Variants in SLC16A7 observed in about 807,000 individuals in gnomAD.
The protein encoded by SLC16A7 is monocarboxylate transporter 2.
A neutral mutation model predicts 34.9 loss-of-function variants in SLC16A7; 33 were observed. The ratio of observed to expected loss-of-function variants is 0.94; its 90% CI spans 0.72 to 1.26. SLC16A7 has a LOEUF of 1.26. Ranked by LOEUF, SLC16A7 falls within the 50% of genes most tolerant of loss-of-function variation. SLC16A7 has a pLI of 0.00. For synonymous variants in SLC16A7, 201 were observed against 206.6 expected (o/e 0.97, Z 0.23); for missense variants, 573 against 578.1 (o/e 0.99, Z 0.09).
chr12:59,645,586 C>T (rs1317917760), intron 1 of SLC16A7, among the ~76,000 whole-genome samples: 1 of 152,126 alleles, frequency 6.6e-6, no homozygotes, highest in Non-Finnish European at 1.5e-5. Flanking sequence ...AATTAAGCCT[C>T]TTTCCTTTAT....
intron 1 of SLC16A7, among the ~76,000 whole-genome samples, chr12:59,637,455 T>A (rs1310902511): frequency 6.6e-6 from 1 of 152,080 alleles, no homozygotes. Context: ...TTCTGTTTTT[T>A]TTTTTCTCTT....
chr12:59,762,865 T>C (rs1160743446), intron 3 of SLC16A7, among the ~76,000 whole-genome samples: 4 of 151,858 alleles, frequency 2.6e-5, no homozygotes, highest in Non-Finnish European at 5.9e-5. Context: ...CATTTAAAAA[T>C]AAATGAATGA....
intron 3 of SLC16A7, among the ~76,000 whole-genome samples, chr12:59,712,556 G>A (rs759523794): frequency 6.6e-5 from 10 of 152,204 alleles, no homozygotes; most frequent in Middle Eastern, 3.2e-3. Context: ...GCACAGGCAT[G>A]TGACCCAGTC....
intron 1 of SLC16A7, among the ~76,000 whole-genome samples, chr12:59,616,578 A>T (rs1179765446): frequency 6.6e-6 from 1 of 152,168 alleles, no homozygotes; most frequent in Non-Finnish European, 1.5e-5. Flanking sequence ...GTTGTGCAAA[A>T]ATAGGCCCAT....
intron 3 of SLC16A7, chr12:59,720,093 C>T (rs992644704): frequency 7.1e-6 from 5 of 700,114 alleles, no homozygotes; most frequent in Non-Finnish European, 1.0e-5. Context: ...GTATCATATG[C>T]AATAGCTGTA....
chr12:59,626,205 A>G (rs1315000931), intron 1 of SLC16A7, among the ~76,000 whole-genome samples: 1 of 151,266 alleles, frequency 6.6e-6, no homozygotes, highest in Non-Finnish European at 1.5e-5. Context: ...ATTTTAAGGG[A>G]TAATTTTTTA....
At chr12:59,702,518 A>G (rs960037425) in intron 2 of SLC16A7, among the ~76,000 whole-genome samples, 1 of 152,068 alleles carries the variant, frequency 6.6e-6, no homozygotes, top group Non-Finnish European at 1.5e-5. Context: ...TCTGCACGAC[A>G]TTAACTTATA....
chr12:59,754,162 C>A (rs866539463), intron 3 of SLC16A7, among the ~76,000 whole-genome samples: 5 of 152,134 alleles, frequency 3.3e-5, no homozygotes, highest in African/African-American at 9.6e-5. Flanking sequence ...CAGGAAAGAT[C>A]AAAAATTGAC....
chr12:59,617,046 G>A (rs1879485738), intron 1 of SLC16A7, among the ~76,000 whole-genome samples: 3 of 152,020 alleles, frequency 2.0e-5, no homozygotes. Context: ...AATATTTTGA[G>A]TTAATATTGT....
intron 1 of SLC16A7, among the ~76,000 whole-genome samples, chr12:59,650,333 C>T (rs1868321099): frequency 6.6e-6 from 1 of 152,116 alleles, no homozygotes; most frequent in African/African-American, 2.4e-5. Context: ...TGTTTTTATA[C>T]ACCACATAGT....
At chr12:59,639,982 A>G (rs1333259246) in intron 1 of SLC16A7, among the ~76,000 whole-genome samples, 1 of 152,120 alleles carries the variant, frequency 6.6e-6, no homozygotes, top group African/African-American at 2.4e-5. Context: ...AGGTTCAATA[A>G]TTTGTTAGAA....
intron 2 of SLC16A7, among the ~76,000 whole-genome samples, chr12:59,673,382 A>G (rs1284675210): frequency 6.6e-6 from 1 of 152,114 alleles, no homozygotes; most frequent in Non-Finnish European, 1.5e-5. Context: ...GTGCCATAAC[A>G]TAGAATAAGT....
At chr12:59,700,441 A>T in intron 2 of SLC16A7, among the ~76,000 whole-genome samples, 1 of 150,130 alleles carries the variant, frequency 6.7e-6, no homozygotes, top group Middle Eastern at 3.5e-3. Context: ...ATATTATTAC[A>T]TGCATATAAT....
chr12:59,629,064 A>G (rs537393413), intron 1 of SLC16A7, among the ~76,000 whole-genome samples: 3 of 151,948 alleles, frequency 2.0e-5, no homozygotes, highest in Non-Finnish European at 4.4e-5. Context: ...TCTGACGTAG[A>G]GATGGCCATC....
intron 3 of SLC16A7, among the ~76,000 whole-genome samples, chr12:59,762,976 T>C (rs1881176982): frequency 6.6e-6 from 1 of 152,120 alleles, no homozygotes; most frequent in African/African-American, 2.4e-5. Context: ...GTTTAAGTAT[T>C]TTTAATTCAT....
Position 59,670,606 on chromosome 12 carries a change from G to A in SLC16A7, c.-31+15356G>A, listed in dbSNP as rs1869600352. Among the ~76,000 whole-genome samples, 4 of 152,256 alleles carry A rather than the reference G, an allele frequency of 2.6e-5. No individual in the cohort carries two copies. The South Asian group carries it at 8.3e-4, about 32-fold the overall frequency. On this transcript the variant is annotated intron_variant, in intron 2 of 5. Coordinates refer to ENST00000547379, the MANE Select transcript of SLC16A7 (RefSeq NM_001270623.2). Reference sequence around the variant, plus strand: ...TCCATCTGTGAATCTGTGAAACATAGAAAATAGGTCATCTATTCCCAAGAT... The same window carrying A: ...TCCATCTGTGAATCTGTGAAACATAAAAAATAGGTCATCTATTCCCAAGAT...
chr12:59,702,489 GATTTTAGCA>G (rs904636941), intron 2 of SLC16A7, among the ~76,000 whole-genome samples: 1 of 152,006 alleles, frequency 6.6e-6, no homozygotes, highest in Non-Finnish European at 1.5e-5. Flanking sequence ...ATTTGGGGTT[GATTTTAGCA>G]ATTTTAGCAT....
chr12:59,653,310 G>A (rs1868381144), intron 1 of SLC16A7, among the ~76,000 whole-genome samples: 1 of 151,612 alleles, frequency 6.6e-6, no homozygotes, highest in African/African-American at 2.4e-5. Context: ...TCAAATATTA[G>A]TAATATTATT....
intron 2 of SLC16A7, among the ~76,000 whole-genome samples, chr12:59,698,936 C>T (rs377738121): frequency 1.3e-5 from 2 of 151,576 alleles, no homozygotes; most frequent in African/African-American, 4.8e-5. Flanking sequence ...TATTTATACA[C>T]GTAATTTTGA....
Sources: gnomAD v4.1 joint callset for allele counts (sites outside exome capture counted in the v4.1 genomes callset) on GRCh38, gnomAD v4.1.1 for gene constraint, MANE v1.5 for transcripts, NCBI Gene and HGNC (gene_info 2026-07-23, HGNC 2026-07-21) for gene names.